The following MACROD1 variants were observed in gnomAD, a reference collection of about 807,000 sequenced individuals.
MACROD1 encodes the protein mono-ADP ribosylhydrolase 1, also known as ADP-ribose glycohydrolase MACROD1.
In MACROD1, 31 loss-of-function variants were observed where a neutral mutation model predicts 41.4. The ratio of observed to expected loss-of-function variants is 0.75; its 90% CI spans 0.56 to 1.01. The LOEUF is 1.01. MACROD1 is among the 50% of genes least tolerant of loss of function. The pLI is 0.00. For synonymous variants in MACROD1, 252 were observed against 203.4 expected (o/e 1.24, Z -2.03); for missense variants, 473 against 460.0 (o/e 1.03, Z -0.26).
intron 3 of MACROD1, among the ~76,000 whole-genome samples, chr11:64,088,512 C>A (rs1417454437): frequency 6.6e-6 from 1 of 152,210 alleles, no homozygotes; most frequent in Non-Finnish European, 1.5e-5. Context: ...CTCACCAGGA[C>A]GGCAGAGGCT....
chr11:64,073,586 G>T (rs1944146749), intron 3 of MACROD1, among the ~76,000 whole-genome samples: 1 of 152,242 alleles, frequency 6.6e-6, no homozygotes, highest in East Asian at 1.9e-4. Context: ...GAGGCCACTG[G>T]CCTGGCCCAG....
At chr11:64,116,161 C>T (rs1944975085) in intron 3 of MACROD1, 11 of 1,485,866 alleles carry the variant, frequency 7.4e-6, no homozygotes, top group Middle Eastern at 2.2e-4. Context: ...GCACGATTCA[C>T]TCCTGGGGTC....
At chr11:64,063,034 T>C (rs11826070) in intron 3 of MACROD1, among the ~76,000 whole-genome samples, 1,550 of 152,286 alleles carry the variant, frequency 0.01, 28 homozygotes, top group African/African-American at 0.036. Flanking sequence ...CAGTGAGATA[T>C]AACTTGAGCA....
At chr11:64,164,710 AC>A (rs1000859641) in intron 1 of MACROD1, among the ~76,000 whole-genome samples, 1 of 150,102 alleles carries the variant, frequency 6.7e-6, no homozygotes, top group Admixed American at 6.6e-5. Flanking sequence ...ACACCGCAGG[AC>A]CCCCCCATCC....
chr11:64,072,547 T>C (rs11231689), intron 3 of MACROD1, among the ~76,000 whole-genome samples: 1 of 152,186 alleles, frequency 6.6e-6, no homozygotes, highest in South Asian at 2.1e-4. Flanking sequence ...ACTAATAACA[T>C]AGCAGCTGCG....
In MACROD1 at chr11:63,998,854, G is replaced by A. The variant is rs1193619128; in HGVS notation, c.*14C>T. On this transcript the variant is annotated 3_prime_UTR_variant, in exon 10 of 11. Transcript: ENST00000255681. ...CCTGCTTACCAGTCCCGGTCAGGGT[G>A]GGCTGCGGGAGCCTCAGGCTGGAAG... 3 of 1,589,734 alleles carry A rather than the reference G, an allele frequency of 1.9e-6. No homozygotes were observed. The highest frequency in any genetic ancestry group is 1.1e-5 in the South Asian group (1 of 88,250).
chr11:64,098,599 C>G (rs1944619022), intron 3 of MACROD1, among the ~76,000 whole-genome samples: 1 of 152,184 alleles, frequency 6.6e-6, no homozygotes, highest in Non-Finnish European at 1.5e-5. Flanking sequence ...GAAGTCAGAG[C>G]CATGGAACAA....
intron 3 of MACROD1, among the ~76,000 whole-genome samples, chr11:64,046,713 G>A (rs971262133): frequency 2.1e-5 from 3 of 141,814 alleles, no homozygotes; most frequent in African/African-American, 2.6e-5. Context: ...TGGTCAGGCT[G>A]GCCTTGAACT....
chr11:64,110,858 TAG>T (rs1233600624), intron 3 of MACROD1, among the ~76,000 whole-genome samples: 11 of 152,236 alleles, frequency 7.2e-5, no homozygotes, highest in Non-Finnish European at 1.5e-4. Flanking sequence ...CCCAGGCAAT[TAG>T]AGATTCCTCT....
chr11:64,152,377 C>G lies in MACROD1; in HGVS notation c.315G>C (p.Leu105=), dbSNP rs764791441. 1.9e-6 allele frequency: 3 copies of G among 1,614,222 alleles called. No homozygotes were observed. In the Admixed American group the frequency reaches 5.0e-5, roughly 27 times the overall value. Residue 105 remains leucine, a synonymous_variant, in exon 2 of 11, where the codon CTG becomes CTC. Transcript: ENST00000255681. ...WKEAKSFLKG[L]SDKQREEHYF... ...AATGTTCCTCCCGCTGCTTGTCACT[C>G]AGGCCCTTCAGAAAGGCTGCAGAGG...
At chr11:64,097,683 C>A (rs1423833402) in intron 3 of MACROD1, among the ~76,000 whole-genome samples, 1 of 152,252 alleles carries the variant, frequency 6.6e-6, no homozygotes, top group Middle Eastern at 3.2e-3. Context: ...CTCGCCTCCG[C>A]CTCTTCTCAC....
chr11:64,001,116 C>A (rs1942818102), intron 4 of MACROD1: 1 of 374,798 alleles, frequency 2.7e-6, no homozygotes, highest in Non-Finnish European at 4.9e-6. Flanking sequence ...CGCAGATAAA[C>A]AACCGGGGCG....
At position 64,166,009 on chromosome 11, in the gene MACROD1, G is replaced by A; in HGVS notation, c.-15C>T. 1 of 1,257,008 alleles carries A rather than the reference G, an allele frequency of 8.0e-7. No homozygotes were observed. Among genetic ancestry groups the A allele is most frequent in the Non-Finnish European group, 1.0e-6 (1 of 1,004,034 alleles). The allele number at this position is 1,257,008 out of a possible 1,614,324, so 77.9% of individuals were successfully genotyped here. On this transcript the variant is annotated 5_prime_UTR_variant, in exon 1 of 11. Coordinates refer to ENST00000255681, the MANE Select transcript of MACROD1 (RefSeq NM_014067.4). The stretch of plus-strand genomic sequence containing the variant: ...TGTAGAGACATGAGCGGGCGGCGCG[G>A]GACGGCTCTCCGCCCACTTGGACTC...
At chr11:64,129,389 C>A (rs1258914591) in intron 3 of MACROD1, among the ~76,000 whole-genome samples, 1 of 152,248 alleles carries the variant, frequency 6.6e-6, no homozygotes, top group Non-Finnish European at 1.5e-5. Flanking sequence ...GGTAATGCCA[C>A]TGGGAGTGCC....
intron 3 of MACROD1, among the ~76,000 whole-genome samples, chr11:64,041,337 C>T (rs1369762181): frequency 6.6e-6 from 1 of 151,986 alleles, no homozygotes; most frequent in Non-Finnish European, 1.5e-5. Flanking sequence ...TCCTGCTGCC[C>T]CCCACCCCTC....
At chr11:64,010,037 G>T (rs1225557824) in intron 4 of MACROD1, among the ~76,000 whole-genome samples, 3 of 149,710 alleles carry the variant, frequency 2.0e-5, no homozygotes, top group Non-Finnish European at 4.4e-5. Context: ...TGGCTGGGTT[G>T]TTGGTTGGGG....
intron 1 of MACROD1, among the ~76,000 whole-genome samples, chr11:64,156,291 AT>A (rs764173012): frequency 1.4e-4 from 21 of 152,090 alleles, no homozygotes; most frequent in Non-Finnish European, 2.6e-4. Context: ...TAAATAAATA[AT>A]TTGAATCCCC....
rs541373716 is a variant in MACROD1 at position 64,035,810 on chromosome 11, C to A, written c.518-20529G>T. On this transcript the variant is annotated intron_variant, in intron 3 of 10. Transcript: ENST00000255681. ...CGCCGCGAGGGGAGAGGCGGCCGCA[C>A]AGCCTGGTTCCCCGCGCCCTGCTCG... is the stretch of plus-strand genomic sequence containing the variant. Among the ~76,000 whole-genome samples, 180 of 145,974 alleles carry A rather than the reference C, an allele frequency of 1.2e-3. 3 individuals carry two copies. In the South Asian group the frequency reaches 0.013, roughly 10 times the overall value.
chr11:64,052,164 C>A (rs1374981430), intron 3 of MACROD1, among the ~76,000 whole-genome samples: 4 of 151,928 alleles, frequency 2.6e-5, no homozygotes, highest in African/African-American at 9.7e-5. Context: ...TGGCTCCCAA[C>A]AAGGCACCCA....
Sources: gnomAD v4.1 joint callset for allele counts (sites outside exome capture counted in the v4.1 genomes callset) on GRCh38, gnomAD v4.1.1 for gene constraint, MANE v1.5 for transcripts, NCBI Gene and HGNC (gene_info 2026-07-23, HGNC 2026-07-21) for gene names.